Variants in CREB3L2 observed in about 807,000 individuals in gnomAD.
CREB3L2 encodes cyclic AMP-responsive element-binding protein 3-like protein 2.
CREB3L2 carries 23 observed loss-of-function variants against 57.2 expected under a neutral mutation model. The observed-to-expected ratio is 0.40, with a 90% CI of 0.29 to 0.57. The LOEUF is 0.57. Ranked by LOEUF, CREB3L2 falls within the 20% of genes least tolerant of loss-of-function variation. The probability of loss-of-function intolerance (pLI) is 0.42; values close to 1 mark genes in which losing one functional copy is unlikely to be tolerated. For missense variants in CREB3L2, 628 were observed against 634.7 expected (o/e 0.99, Z 0.11); for synonymous variants, 268 against 265.1 (o/e 1.01, Z -0.11).
intron 1 of CREB3L2, among the ~76,000 whole-genome samples, chr7:137,948,069 T>G (rs766964759): frequency 6.6e-6 from 1 of 152,188 alleles, no homozygotes; most frequent in Non-Finnish European, 1.5e-5. Flanking sequence ...CCTCAACAAT[T>G]CCTCACCTGG....
At chr7:137,927,385 GGGAGGGAA>G (rs996352869) in intron 2 of CREB3L2, among the ~76,000 whole-genome samples, 9 of 140,496 alleles carry the variant, frequency 6.4e-5, no homozygotes, top group African/African-American at 1.7e-4. Flanking sequence ...AGAGAAGGAA[GGGAGGGAA>G]GGAGGGAAGG....
rs1799933953 is a variant in CREB3L2, at chr7:137,908,308, C to T, written c.712G>A (p.Ala238Thr). ...AGGGCGGAGGGGGCCCGGGGTGCAG[C>T]TCTGGAGGGGCTGTGGGTCTGAGGC... is the stretch of plus-strand genomic sequence containing the variant. ...SLPQTHSPSR[A>T]APRAPSALSS... The change falls in exon 5 of 12, where the codon GCT (alanine) becomes ACT (threonine). Residue 238 changes from alanine (A) to threonine (T), a missense_variant. Around this residue, in one of 3 missense-constraint regions of CREB3L2, gnomAD observed 339 missense variants for 355.4 expected, o/e 0.95. Transcript: ENST00000330387. 2.4e-6 allele frequency: 3 copies of T among 1,258,034 alleles called. No homozygotes were observed. The highest frequency in any genetic ancestry group is 3.0e-6 in the Non-Finnish European group (3 of 992,540). 77.9% of individuals were successfully genotyped at this position (1,258,034 alleles called of 1,614,324 possible).
At chr7:137,913,206 T>C in intron 3 of CREB3L2, 128 bp from the exon 4 acceptor site, 2 of 863,576 alleles carry the variant, frequency 2.3e-6, no homozygotes, top group East Asian at 2.7e-5. Flanking sequence ...AATAGCTGAG[T>C]GTAGGCAACT....
At chr7:137,957,802 C>T (rs2117281600) in intron 1 of CREB3L2, 1 of 1,284,908 alleles carries the variant, frequency 7.8e-7, no homozygotes, top group South Asian at 1.2e-5. Flanking sequence ...TGACATTTAT[C>T]TCTTTCCTCT....
In CREB3L2 at chr7:137,927,401, AGGAAGGGAAG is replaced by A. The variant is rs147018896; in HGVS notation, c.319+739_319+748del. On this transcript the variant is annotated intron_variant, in intron 2 of 11. Coordinates refer to ENST00000330387, the MANE Select transcript of CREB3L2 (RefSeq NM_194071.4). Reference sequence around the variant, plus strand: ...GAGAAGGAAGGGAGGGAAGGAGGGAAGGAAGGGAAGGGAAGGGAAGCAAGGGAGGGAGGGG... The same window carrying A: ...GAGAAGGAAGGGAGGGAAGGAGGGAAGGAAGGGAAGCAAGGGAGGGAGGGG... 3.8e-3 allele frequency among the ~76,000 whole-genome samples: 515 copies of A among 136,784 alleles called. 4 individuals are homozygous for A. The highest frequency in any genetic ancestry group is 0.013 in the African/African-American group (472 of 36,292). 89.7% of individuals were successfully genotyped at this position (136,784 alleles called of 152,430 possible).
At chr7:137,985,414 A>G (rs534866869) in intron 1 of CREB3L2, among the ~76,000 whole-genome samples, 6 of 152,284 alleles carry the variant, frequency 3.9e-5, no homozygotes, top group Admixed American at 2.6e-4. Flanking sequence ...TATGGACAGC[A>G]TTCCAAAGGT....
At chr7:137,897,655 G>A (rs575898406) in intron 8 of CREB3L2, among the ~76,000 whole-genome samples, 2 of 152,228 alleles carry the variant, frequency 1.3e-5, no homozygotes, top group African/African-American at 2.4e-5. Context: ...GAGCCACTGC[G>A]CCTGATCAAG....
intron 8 of CREB3L2, among the ~76,000 whole-genome samples, chr7:137,897,171 T>G (rs1276767722): frequency 4.6e-5 from 7 of 152,242 alleles, no homozygotes; most frequent in Non-Finnish European, 7.3e-5. Flanking sequence ...AATCATTTCA[T>G]AATATATGCA....
chr7:137,919,971 T>C (rs905661958), intron 2 of CREB3L2, among the ~76,000 whole-genome samples: 2 of 152,224 alleles, frequency 1.3e-5, no homozygotes, highest in African/African-American at 2.4e-5. Flanking sequence ...TGTCTTTGGA[T>C]GAACACACAG....
At chr7:137,942,023 T>C (rs1308050437) in intron 1 of CREB3L2, among the ~76,000 whole-genome samples, 3 of 152,232 alleles carry the variant, frequency 2.0e-5, no homozygotes, top group Non-Finnish European at 4.4e-5. Context: ...ATTGATTGAT[T>C]GATCTTCCTT....
chr7:137,976,087 T>C (rs1231200470), intron 1 of CREB3L2, among the ~76,000 whole-genome samples: 1 of 152,264 alleles, frequency 6.6e-6, no homozygotes, highest in Non-Finnish European at 1.5e-5. Context: ...TCTTTCTTTT[T>C]GCTAATAATG....
At chr7:137,957,537 G>A (rs1173129479) in intron 1 of CREB3L2, among the ~76,000 whole-genome samples, 2 of 151,942 alleles carry the variant, frequency 1.3e-5, no homozygotes, top group Non-Finnish European at 2.9e-5. Context: ...ATCTCCACTG[G>A]GCCCAGACTA....
chr7:137,914,293 A>G (rs973158548), intron 3 of CREB3L2, among the ~76,000 whole-genome samples: 1 of 152,128 alleles, frequency 6.6e-6, no homozygotes, highest in Non-Finnish European at 1.5e-5. Context: ...GCCCATACAC[A>G]GGAGCAAGGC....
intron 1 of CREB3L2, among the ~76,000 whole-genome samples, chr7:137,940,093 T>C (rs1436928921): frequency 5.9e-5 from 9 of 152,202 alleles, no homozygotes. Flanking sequence ...TACATGCTCA[T>C]TATATAAGGA....
rs1800366350 is a variant in CREB3L2 at position 137,922,826 on chromosome 7, C to G, written c.319+5324G>C. The G allele has an allele frequency of 3.9e-5, 7 of 181,164 alleles. No individual in the cohort carries two copies. The South Asian group carries it at 6.5e-4, about 17-fold the overall frequency. 11.2% of individuals were successfully genotyped at this position (181,164 alleles called of 1,614,324 possible). On this transcript the variant is annotated intron_variant, in intron 2 of 11. Coordinates refer to ENST00000330387, the MANE Select transcript of CREB3L2 (RefSeq NM_194071.4). ...AATATGCCTCATCTAAATCCTTTAG[C>G]ATTTCATTTGTTTGCCCTTTGAGAA...
chr7:137,889,612 C>G (rs1160222618), intron 8 of CREB3L2, among the ~76,000 whole-genome samples: 1 of 152,182 alleles, frequency 6.6e-6, no homozygotes, highest in Non-Finnish European at 1.5e-5. Flanking sequence ...CATTGCTTCT[C>G]CTACTGGTGC....
At chr7:137,909,338 C>A (rs1167396517) in intron 4 of CREB3L2, among the ~76,000 whole-genome samples, 2 of 152,200 alleles carry the variant, frequency 1.3e-5, no homozygotes, top group African/African-American at 4.8e-5. Flanking sequence ...GCCTATGGAG[C>A]CTTGGTCAGC....
At chr7:137,919,489 G>A (rs770716816) in intron 2 of CREB3L2, among the ~76,000 whole-genome samples, 3 of 152,126 alleles carry the variant, frequency 2.0e-5, no homozygotes, top group Non-Finnish European at 4.4e-5. Flanking sequence ...TCTAGATGAG[G>A]AAAATGACAC....
chr7:137,876,777 T>G lies in CREB3L2; in HGVS notation c.*3699A>C, dbSNP rs930194325. 4.3e-6 allele frequency: 1 copy of G among 232,282 alleles called. No homozygotes were observed. The highest frequency in any genetic ancestry group is 8.5e-6 in the Non-Finnish European group (1 of 117,558). The allele number at this position is 232,282 out of a possible 1,614,324, so 14.4% of individuals were successfully genotyped here. A position where few individuals can be genotyped will look rare whatever the true frequency, so the allele number is the denominator to read the frequency against. On this transcript the variant is annotated 3_prime_UTR_variant, in exon 12 of 12. Transcript: ENST00000330387. ...TCTTTAACCCAGGTTTCTTAAAGAC[T>G]GGCTTCAATAGAACCAACTGTAGTG... is the stretch of plus-strand genomic sequence containing the variant.
Sources: allele counts gnomAD v4.1 joint callset (sites outside exome capture counted in the v4.1 genomes callset), GRCh38; gene constraint gnomAD v4.1.1; regional missense constraint gnomAD v4.1.1; transcripts MANE v1.5; gene names NCBI Gene and HGNC (gene_info 2026-07-23, HGNC 2026-07-21).